Variants in DGKB observed in about 807,000 individuals in gnomAD.
The protein encoded by DGKB is 90 kDa diacylglycerol kinase.
In DGKB, 67 loss-of-function variants were observed where a neutral mutation model predicts 114.3. That is an observed-to-expected ratio of 0.59 (90% CI 0.48 to 0.72). DGKB has a LOEUF of 0.72. DGKB is among the 30% of genes least tolerant of loss of function. The pLI is 0.00. For synonymous variants in DGKB, 398 were observed against 323.1 expected (o/e 1.23, Z -2.49); for missense variants, 907 against 975.2 (o/e 0.93, Z 0.93).
intron 21 of DGKB, among the ~76,000 whole-genome samples, chr7:14,439,171 C>G (rs1829709266): frequency 6.6e-6 from 1 of 152,094 alleles, no homozygotes; most frequent in African/African-American, 2.4e-5. Flanking sequence ...TCCCCAAACT[C>G]TCCCCTTTAC....
At chr7:14,558,884 T>C (rs371122264) in intron 20 of DGKB, among the ~76,000 whole-genome samples, 2 of 152,178 alleles carry the variant, frequency 1.3e-5, no homozygotes, top group East Asian at 3.9e-4. Flanking sequence ...CTGCCTGAAG[T>C]ACCTCAGCTA....
intron 9 of DGKB, 149 bp from the exon 10 acceptor site, chr7:14,685,511 T>G (rs1821529948): frequency 4.9e-6 from 3 of 616,940 alleles, no homozygotes; most frequent in Non-Finnish European, 8.6e-6. Flanking sequence ...GCAGAGCCTT[T>G]AGAAAAACAC....
In DGKB at chr7:14,970,610, T is replaced by C. The variant is rs1004785697; in HGVS notation, c.-188+4086A>G. ...AAAAACACATAGCATATCCTCAGAA[T>C]GCTCCCGTGTCATCAATCACAAAGT... On this transcript the variant is annotated intron_variant, in intron 1 of 4. Transcript: ENST00000437998. Among the ~76,000 whole-genome samples, 6 of 152,082 alleles carry C rather than the reference T, an allele frequency of 3.9e-5. No homozygotes were observed. The East Asian group carries it at 1.2e-3, about 29-fold the overall frequency.
chr7:14,590,423 C>G (rs1801512872), intron 17 of DGKB, among the ~76,000 whole-genome samples: 1 of 152,040 alleles, frequency 6.6e-6, no homozygotes, highest in Non-Finnish European at 1.5e-5. Flanking sequence ...AGTTGACTCA[C>G]CATTGTTCTT....
intron 1 of DGKB, among the ~76,000 whole-genome samples, chr7:14,950,356 A>G (rs1786119330): frequency 6.6e-6 from 1 of 151,982 alleles, no homozygotes; most frequent in South Asian, 2.1e-4. Context: ...CCAGTAAAAA[A>G]GAAGAGAAAA....
At chr7:14,924,152 T>C (rs1162457690) in intron 1 of DGKB, among the ~76,000 whole-genome samples, 3 of 152,058 alleles carry the variant, frequency 2.0e-5, no homozygotes, top group Non-Finnish European at 4.4e-5. Flanking sequence ...GGATTTCTAT[T>C]TTTGTTATAG....
At position 14,731,919 on chromosome 7, in the gene DGKB, T is replaced by A. The variant is rs4721361; in HGVS notation, c.322+4122A>T. Among the ~76,000 whole-genome samples, 278 of 152,064 alleles carry A rather than the reference T, an allele frequency of 1.8e-3. 2 individuals carry two copies. The highest frequency in any genetic ancestry group is 6.7e-3 in the African/African-American group (276 of 41,458). ...ATCTTCAAAAATCAAAAGTCAAATA[T>A]GGAAACAGTAGTAGTGACATCATTT... On this transcript the variant is annotated intron_variant, in intron 5 of 25. Transcript: ENST00000402815.
chr7:14,200,768 T>C (rs1785744879), intron 23 of DGKB, among the ~76,000 whole-genome samples: 1 of 151,942 alleles, frequency 6.6e-6, no homozygotes, highest in Admixed American at 6.6e-5. Flanking sequence ...AAACGTAATG[T>C]AGCATTGTCA....
chr7:14,910,298 GA>G (rs1353395442), intron 1 of DGKB, among the ~76,000 whole-genome samples: 1 of 116,742 alleles, frequency 8.6e-6, no homozygotes, highest in Admixed American at 9.3e-5. Flanking sequence ...AAGAAAGAAA[GA>G]AAGAAAGAAA....
chr7:14,438,765 T>A (rs1232516775), intron 21 of DGKB, among the ~76,000 whole-genome samples: 1 of 152,104 alleles, frequency 6.6e-6, no homozygotes, highest in African/African-American at 2.4e-5. Flanking sequence ...TAGGTTTCAA[T>A]CCAACAATAC....
At chr7:14,435,345 C>T (rs1375327254) in intron 21 of DGKB, among the ~76,000 whole-genome samples, 11 of 152,006 alleles carry the variant, frequency 7.2e-5, no homozygotes, top group African/African-American at 2.4e-4. Flanking sequence ...AGGAGAAGAA[C>T]GCAGTATGTA....
At chr7:14,732,216 TTTG>T (rs1831027468) in intron 5 of DGKB, among the ~76,000 whole-genome samples, 2 of 152,030 alleles carry the variant, frequency 1.3e-5, no homozygotes, top group South Asian at 4.1e-4. Context: ...CCTTTTCAGT[TTTG>T]TTTTTTCTTG....
At chr7:14,614,485 T>C (rs1806169091) in intron 15 of DGKB, among the ~76,000 whole-genome samples, 3 of 152,136 alleles carry the variant, frequency 2.0e-5, no homozygotes, top group African/African-American at 7.2e-5. Context: ...TGAAAGTACA[T>C]TCAAATTATC....
chr7:14,403,607 C>T (rs1256836901), intron 21 of DGKB, among the ~76,000 whole-genome samples: 1 of 151,946 alleles, frequency 6.6e-6, no homozygotes, highest in Non-Finnish European at 1.5e-5. Context: ...TCCAATGCAA[C>T]TCCTGTTGGA....
intron 21 of DGKB, among the ~76,000 whole-genome samples, chr7:14,397,316 C>T (rs1219687814): frequency 6.6e-6 from 1 of 152,022 alleles, no homozygotes; most frequent in African/African-American, 2.4e-5. Context: ...TCTGTTTAAG[C>T]GTAGTGGTTG....
chr7:14,927,498 GCTCT>G (rs58783579), intron 1 of DGKB, among the ~76,000 whole-genome samples: 21,547 of 151,596 alleles, frequency 0.14, 1,599 homozygotes, highest in Admixed American at 0.2. Flanking sequence ...CTTTATATCA[GCTCT>G]CTAATTGAAA....
intron 20 of DGKB, among the ~76,000 whole-genome samples, chr7:14,507,564 T>C (rs1447344922): frequency 6.6e-6 from 1 of 152,228 alleles, no homozygotes; most frequent in African/African-American, 2.4e-5. Context: ...CACAGTGTTC[T>C]CATTTTTTAC....
chr7:14,581,938 C>T (rs1799991955), intron 18 of DGKB, among the ~76,000 whole-genome samples: 1 of 152,076 alleles, frequency 6.6e-6, no homozygotes, highest in Non-Finnish European at 1.5e-5. Context: ...TAATGGAAGG[C>T]CAGATCAGAA....
At chr7:14,220,690 G>C (rs1398201706) in intron 23 of DGKB, among the ~76,000 whole-genome samples, 1 of 151,486 alleles carries the variant, frequency 6.6e-6, no homozygotes, top group African/African-American at 2.4e-5. Flanking sequence ...TGATTGCATT[G>C]AATCTGTAGA....
Sources: gnomAD v4.1 joint callset for allele counts (sites outside exome capture counted in the v4.1 genomes callset) on GRCh38, gnomAD v4.1.1 for gene constraint, MANE v1.5 for transcripts, NCBI Gene and HGNC (gene_info 2026-07-23, HGNC 2026-07-21) for gene names.